Variants in NAV2 observed in about 807,000 individuals in gnomAD.
The protein encoded by NAV2 is helicase, APC down-regulated 1.
A neutral mutation model predicts 223.2 loss-of-function variants in NAV2; 54 were observed. The observed-to-expected ratio is 0.24, with a 90% CI of 0.19 to 0.30. NAV2 has a LOEUF of 0.30. Ranked by LOEUF, NAV2 falls within the 10% of genes least tolerant of loss-of-function variation. The pLI, the probability that NAV2 is intolerant of heterozygous loss-of-function variation, is 1.00. For missense variants in NAV2, 2,806 were observed against 3,147.5 expected (o/e 0.89, Z 2.60); for synonymous variants, 1,279 against 1,239.3 (o/e 1.03, Z -0.67).
intron 1 of NAV2, among the ~76,000 whole-genome samples, chr11:19,820,441 G>A (rs1425995595): frequency 6.6e-6 from 1 of 152,228 alleles, no homozygotes; most frequent in Non-Finnish European, 1.5e-5. Flanking sequence ...GTTCAGATCT[G>A]GGTTCTAAGG....
At chr11:19,663,238 T>A (rs1218171427) in intron 1 of NAV2, among the ~76,000 whole-genome samples, 2 of 152,244 alleles carry the variant, frequency 1.3e-5, no homozygotes, top group African/African-American at 4.8e-5. Flanking sequence ...TCATATTGAA[T>A]ATTAGACATG....
At chr11:19,779,730 G>C (rs2152669684) in intron 1 of NAV2, among the ~76,000 whole-genome samples, 1 of 152,314 alleles carries the variant, frequency 6.6e-6, no homozygotes, top group South Asian at 2.1e-4. Context: ...TGTTAAATGG[G>C]AACTATCATT....
chr11:19,404,054 G>A (rs1396596747), intron 1 of NAV2, among the ~76,000 whole-genome samples: 1 of 152,142 alleles, frequency 6.6e-6, no homozygotes, highest in Admixed American at 6.5e-5. Context: ...AGTGGGAGAA[G>A]GTCAGGCAAA....
At chr11:19,468,175 A>T (rs537226048) in intron 1 of NAV2, among the ~76,000 whole-genome samples, 1 of 152,196 alleles carries the variant, frequency 6.6e-6, no homozygotes, top group Admixed American at 6.5e-5. Flanking sequence ...TTGCTGCGTG[A>T]TCTTGGGCAA....
intron 1 of NAV2, among the ~76,000 whole-genome samples, chr11:19,690,147 A>G (rs1313710824): frequency 6.6e-6 from 1 of 152,108 alleles, no homozygotes; most frequent in African/African-American, 2.4e-5. Flanking sequence ...TTTTTAGTAG[A>G]GGTGGGGTTT....
At chr11:19,556,266 G>A (rs1014732084) in intron 1 of NAV2, among the ~76,000 whole-genome samples, 2 of 152,206 alleles carry the variant, frequency 1.3e-5, no homozygotes, top group Non-Finnish European at 2.9e-5. Flanking sequence ...AGGGGAATGT[G>A]AATTATGGTG....
chr11:19,371,679 C>T (rs1321275013), intron 1 of NAV2, among the ~76,000 whole-genome samples: 3 of 151,864 alleles, frequency 2.0e-5, no homozygotes, highest in Admixed American at 6.6e-5. Context: ...AGCCATCCAA[C>T]TCCAAAATTT....
chr11:19,672,011 G>A (rs946919186), intron 1 of NAV2, among the ~76,000 whole-genome samples: 1 of 152,188 alleles, frequency 6.6e-6, no homozygotes, highest in Non-Finnish European at 1.5e-5. Context: ...GTGCCACCAA[G>A]CGCTGTGGGA....
chr11:19,813,831 G>A (rs1411652853), intron 1 of NAV2, among the ~76,000 whole-genome samples: 1 of 152,114 alleles, frequency 6.6e-6, no homozygotes, highest in Non-Finnish European at 1.5e-5. Flanking sequence ...GTCAAAGTCG[G>A]GATTCCTGTG....
At chr11:19,860,897 G>C (rs1308369858) in intron 3 of NAV2, among the ~76,000 whole-genome samples, 1 of 152,002 alleles carries the variant, frequency 6.6e-6, no homozygotes, top group African/African-American at 2.4e-5. Context: ...CAGGCGTGGC[G>C]GCGCGCGCCT....
At chr11:20,039,197 C>T (rs1412353663) in intron 12 of NAV2, among the ~76,000 whole-genome samples, 1 of 152,218 alleles carries the variant, frequency 6.6e-6, no homozygotes, top group African/African-American at 2.4e-5. Flanking sequence ...GCCACATGAT[C>T]TTGAGTTGTG....
chr11:20,092,825 C>G (rs2060944857), intron 28 of NAV2, among the ~76,000 whole-genome samples: 1 of 152,146 alleles, frequency 6.6e-6, no homozygotes. Context: ...TATTTTTTAT[C>G]CATGATGCTG....
At chr11:19,540,745 C>T (rs527606634) in intron 1 of NAV2, among the ~76,000 whole-genome samples, 1 of 152,282 alleles carries the variant, frequency 6.6e-6, no homozygotes, top group South Asian at 2.1e-4. Context: ...TTTTTAAAAG[C>T]TCTGGCCAGG....
At chr11:19,552,594 A>G (rs533831915) in intron 1 of NAV2, among the ~76,000 whole-genome samples, 130 of 152,322 alleles carry the variant, frequency 8.5e-4, no homozygotes, top group African/African-American at 3.1e-3. Flanking sequence ...ATTTGTCACA[A>G]GGCCATGGAA....
intron 1 of NAV2, among the ~76,000 whole-genome samples, chr11:19,678,336 C>A (rs985379876): frequency 6.6e-6 from 1 of 152,192 alleles, no homozygotes; most frequent in African/African-American, 2.4e-5. Flanking sequence ...GATTAAATAA[C>A]TTGCCTAGCC....
intron 1 of NAV2, among the ~76,000 whole-genome samples, chr11:19,548,644 G>T (rs897076433): frequency 6.6e-6 from 1 of 151,624 alleles, no homozygotes; most frequent in East Asian, 1.9e-4. Context: ...CGAGGTGGGC[G>T]GATCATGAGG....
At chr11:19,520,844 C>T (rs565897904) in intron 1 of NAV2, among the ~76,000 whole-genome samples, 3 of 152,310 alleles carry the variant, frequency 2.0e-5, no homozygotes, top group South Asian at 2.1e-4. Flanking sequence ...GAGGCAGGGG[C>T]GTGGGCCTTG....
At chr11:19,651,317 T>A (rs1183808948) in intron 1 of NAV2, among the ~76,000 whole-genome samples, 1 of 152,240 alleles carries the variant, frequency 6.6e-6, no homozygotes, top group East Asian at 1.9e-4. Context: ...AGAGCCTAAC[T>A]CAAGCATTTT....
At chr11:19,987,808 A>G (rs2050932666) in intron 11 of NAV2, among the ~76,000 whole-genome samples, 2 of 152,202 alleles carry the variant, frequency 1.3e-5, no homozygotes, top group Non-Finnish European at 2.9e-5. Context: ...GATAGTGATC[A>G]GTGTCTACTT....
Sources: gnomAD v4.1 joint callset for allele counts (sites outside exome capture counted in the v4.1 genomes callset) on GRCh38, gnomAD v4.1.1 for gene constraint, MANE v1.5 for transcripts, NCBI Gene and HGNC (gene_info 2026-07-23, HGNC 2026-07-21) for gene names.